The following TLN2 variants were observed in gnomAD, a reference collection of about 807,000 sequenced individuals.
TLN2 encodes the protein talin 2, also known as talin-2.
Under a neutral mutation model 294.7 loss-of-function variants are expected in TLN2, and 118 were observed. The ratio of observed to expected loss-of-function variants is 0.40; its 90% confidence interval spans 0.34 to 0.47. The LOEUF is 0.47. TLN2 is among the 20% of genes least tolerant of loss of function. TLN2 has a pLI of 0.84. For synonymous variants in TLN2, 1,431 were observed against 1,304.5 expected, an observed-to-expected ratio of 1.10 and a Z score of -2.09; for missense variants, 3,083 against 3,282.2, an observed-to-expected ratio of 0.94 and a Z score of 1.48.
intron 1 of TLN2, among the ~76,000 whole-genome samples, chr15:62,402,700 A>C (rs193139703): frequency 2.0e-5 from 3 of 152,282 alleles, no homozygotes; most frequent in Non-Finnish European, 2.9e-5. Flanking sequence ...CAGGTCCACT[A>C]TGTTTCTATA....
At chr15:62,734,363 G>A (rs2060892014) in intron 28 of TLN2, among the ~76,000 whole-genome samples, 1 of 152,174 alleles carries the variant, frequency 6.6e-6, no homozygotes, top group Admixed American at 6.5e-5. Context: ...ATCTGCAATG[G>A]TCAGAGCTAG....
chr15:62,828,075 A>T (rs72751459), intron 54 of TLN2: 17,335 of 152,354 alleles, frequency 0.11, 987 homozygotes, highest in South Asian at 0.17. Context: ...GAGCAACATA[A>T]AGGGGTCCCA....
chr15:62,665,819 T>C (rs2054562505), intron 9 of TLN2, among the ~76,000 whole-genome samples: 1 of 152,198 alleles, frequency 6.6e-6, no homozygotes, highest in African/African-American at 2.4e-5. Context: ...TGGTCATCTG[T>C]GTGTGCTTTT....
In TLN2 at chr15:62,748,368, T is replaced by G; in HGVS notation, c.4043T>G (p.Ile1348Ser). 2 of 1,610,034 alleles carry G rather than the reference T, an allele frequency of 1.2e-6. No individual in the cohort carries two copies. Among genetic ancestry groups the G allele is most frequent in the Non-Finnish European group, 1.7e-6 (2 of 1,178,688 alleles). Residue 1348 changes from isoleucine (I) to serine (S), a missense_variant, in exon 33 of 59, where the codon ATC becomes AGC. Coordinates refer to ENST00000636159, the MANE Select transcript of TLN2 (RefSeq NM_015059.3). ...TGTCACAGAGCTGTGACAGAGAGCA[T>G]CAATCAACTCATCACTCTGTGTACC... ...AAAARAVTES[I>S]NQLITLCTQQ...
At chr15:62,816,480 G>A (rs2067126598) in intron 52 of TLN2, among the ~76,000 whole-genome samples, 1 of 152,180 alleles carries the variant, frequency 6.6e-6, no homozygotes. Context: ...AATAAAAATA[G>A]AACTCCTCTT....
intron 1 of TLN2, among the ~76,000 whole-genome samples, chr15:62,449,756 A>G (rs1411000810): frequency 1.3e-5 from 2 of 152,202 alleles, no homozygotes; most frequent in East Asian, 3.9e-4. Context: ...AGTTTGGGTG[A>G]CAGAGCCAAA....
At chr15:62,721,294 C>G (rs376695758) in intron 25 of TLN2, among the ~76,000 whole-genome samples, 1 of 152,120 alleles carries the variant, frequency 6.6e-6, no homozygotes, top group East Asian at 1.9e-4. Flanking sequence ...ATAGAGCATG[C>G]TTTTAAATAT....
In TLN2 at chr15:62,840,659, G is replaced by GGACA. The variant is rs557739888; in HGVS notation, c.*55_*58dup. On this transcript the variant is annotated 3_prime_UTR_variant, in exon 59 of 59. Transcript: ENST00000636159. ...CCCAGGGGATGGCCCTGGCTGAACTGGACAGACAGTGTTCCTGAGAGGCTG... is the reference window on the plus strand; with the variant it reads ...CCCAGGGGATGGCCCTGGCTGAACTGGACAGACAGACAGTGTTCCTGAGAGGCTG... The GGACA allele has an allele frequency of 3.8e-6, 6 of 1,586,874 alleles. No individual in the cohort carries two copies. The highest frequency in any genetic ancestry group is 5.1e-6 in the Non-Finnish European group (6 of 1,166,842).
At chr15:62,692,804 G>T (rs1172945761) in intron 12 of TLN2, 36 bp from the exon 13 acceptor site, 2 of 1,547,982 alleles carry the variant, frequency 1.3e-6, no homozygotes, top group East Asian at 4.5e-5. Context: ...TGATATATCT[G>T]ATTTGGCTAT....
At chr15:62,566,740 C>T (rs889029259) in intron 1 of TLN2, among the ~76,000 whole-genome samples, 1 of 151,708 alleles carries the variant, frequency 6.6e-6, no homozygotes, top group Non-Finnish European at 1.5e-5. Flanking sequence ...GCTCTCACCT[C>T]AATCCAGGTC....
chr15:62,672,534 G>C (rs1033989821), intron 9 of TLN2, among the ~76,000 whole-genome samples: 1 of 152,102 alleles, frequency 6.6e-6, no homozygotes, highest in Admixed American at 6.6e-5. Context: ...GGATGGATGG[G>C]TTTATTATTT....
At chr15:62,744,043 A>G (rs1341199625) in intron 32 of TLN2, among the ~76,000 whole-genome samples, 1 of 152,218 alleles carries the variant, frequency 6.6e-6, no homozygotes, top group Non-Finnish European at 1.5e-5. Flanking sequence ...AGAAAGGTGT[A>G]CAAGAGACCT....
chr15:62,652,621 G>A (rs1171410017), intron 6 of TLN2, among the ~76,000 whole-genome samples: 3 of 152,154 alleles, frequency 2.0e-5, no homozygotes, highest in Non-Finnish European at 4.4e-5. Flanking sequence ...TGCAAAGGAA[G>A]CCTAGTTCCT....
At chr15:62,622,947 C>A (rs892469873) in intron 3 of TLN2, among the ~76,000 whole-genome samples, 12 of 152,304 alleles carry the variant, frequency 7.9e-5, no homozygotes, top group South Asian at 6.2e-4. Flanking sequence ...TCGATGTTGC[C>A]CATCATCTGT....
intron 44 of TLN2, among the ~76,000 whole-genome samples, chr15:62,783,404 T>C (rs1293184309): frequency 6.6e-6 from 1 of 152,188 alleles, no homozygotes; most frequent in Non-Finnish European, 1.5e-5. Context: ...ATTCCTCTGG[T>C]GACCCCCCAG....
chr15:62,760,117 T>C (rs1240962530), intron 37 of TLN2, among the ~76,000 whole-genome samples: 4 of 152,160 alleles, frequency 2.6e-5, no homozygotes, highest in East Asian at 1.9e-4. Context: ...AGGGTTTCCA[T>C]TGGGCCTGGA....
chr15:62,800,513 G>A lies in TLN2; in HGVS notation c.6360+20G>A. On this transcript the variant is annotated intron_variant, in intron 49 of 58. Transcript: ENST00000636159. ...GCCAAGGTAGAGTGGGGCTCCGACT[G>A]GGGATGAGCACCTGAGTTCTCTTCT... 6.2e-7 allele frequency: 1 copy of A among 1,613,246 alleles called. No homozygotes were observed. Among genetic ancestry groups the A allele is most frequent in the Non-Finnish European group, 8.5e-7 (1 of 1,179,660 alleles).
chr15:62,487,172 C>A (rs2038444374), intron 1 of TLN2, among the ~76,000 whole-genome samples: 1 of 152,238 alleles, frequency 6.6e-6, no homozygotes, highest in African/African-American at 2.4e-5. Flanking sequence ...GCTGCTGTCA[C>A]TGCATTTTCT....
At chr15:62,453,295 C>A (rs1433267500) in intron 1 of TLN2, among the ~76,000 whole-genome samples, 2 of 150,104 alleles carry the variant, frequency 1.3e-5, no homozygotes, top group Non-Finnish European at 3.0e-5. Context: ...TAACTTGGAT[C>A]CTAAAAGTAG....
Sources: gnomAD v4.1 joint callset for allele counts (sites outside exome capture counted in the v4.1 genomes callset) on GRCh38, gnomAD v4.1.1 for gene constraint, MANE v1.5 for transcripts, NCBI Gene and HGNC (gene_info 2026-07-23, HGNC 2026-07-21) for gene names.